The following ENTREP2 variants were observed in gnomAD, a reference collection of about 807,000 sequenced individuals.
The protein encoded by ENTREP2 is endosomal transmembrane epsin interactor 2.
At chr15:29,266,058 T>C in the ENTREP2 span, 1 of 152,134 alleles carries the variant, frequency 6.6e-6, no homozygotes, top group Non-Finnish European at 1.5e-5. Context: ...GGAGAAGGTA[T>C]TTGCACTAGA....
chr15:29,119,028 AAGG>A, the ENTREP2 span, among the ~76,000 whole-genome samples: 2 of 152,136 alleles, frequency 1.3e-5, no homozygotes, highest in Non-Finnish European at 2.9e-5. Flanking sequence ...ACTGCAGAGT[AAGG>A]AGAAGACTTA....
chr15:29,448,674 CAAT>C, the ENTREP2 span, among the ~76,000 whole-genome samples: 1 of 152,128 alleles, frequency 6.6e-6, no homozygotes, highest in East Asian at 1.9e-4. Context: ...TTTTTCAAAT[CAAT>C]AATAATACAG....
the ENTREP2 span, among the ~76,000 whole-genome samples, chr15:29,157,460 T>C: frequency 7.9e-5 from 12 of 152,192 alleles, no homozygotes; most frequent in Admixed American, 6.5e-5. Flanking sequence ...TTCCTCTAAG[T>C]GACATGAATT....
At chr15:29,173,076 C>T in the ENTREP2 span, among the ~76,000 whole-genome samples, 2 of 152,300 alleles carry the variant, frequency 1.3e-5, no homozygotes, top group Admixed American at 6.5e-5. Context: ...AAGTACACAT[C>T]GTGCTACCAT....
At chr15:29,648,006 G>A in the ENTREP2 span, among the ~76,000 whole-genome samples, 18 of 152,236 alleles carry the variant, frequency 1.2e-4, no homozygotes, top group South Asian at 4.2e-4. Flanking sequence ...ACAAAAACAC[G>A]CAACCAGAAA....
the ENTREP2 span, among the ~76,000 whole-genome samples, chr15:29,286,830 G>C: frequency 2.0e-5 from 3 of 152,174 alleles, no homozygotes; most frequent in Non-Finnish European, 4.4e-5. Flanking sequence ...CCTGTTCCTT[G>C]TCTTGCCCTT....
At chr15:29,465,143 C>G in the ENTREP2 span, among the ~76,000 whole-genome samples, 2 of 151,974 alleles carry the variant, frequency 1.3e-5, no homozygotes, top group African/African-American at 2.4e-5. Context: ...ATAACCCCCA[C>G]TCAGCACTGG....
At chr15:29,623,721 A>G in the ENTREP2 span, among the ~76,000 whole-genome samples, 19 of 152,198 alleles carry the variant, frequency 1.2e-4, no homozygotes, top group African/African-American at 4.1e-4. Context: ...ATAATAGGAG[A>G]AAAAAAGTCA....
the ENTREP2 span, among the ~76,000 whole-genome samples, chr15:29,491,144 C>T: frequency 1.3e-5 from 2 of 152,194 alleles, no homozygotes; most frequent in South Asian, 4.1e-4. Context: ...CTGCCCAGGG[C>T]CAGTGGCACC....
chr15:29,329,696 A>C, the ENTREP2 span, among the ~76,000 whole-genome samples: 5 of 152,240 alleles, frequency 3.3e-5, no homozygotes, highest in East Asian at 7.7e-4. Flanking sequence ...GTGGTGCCAG[A>C]AAGTAAGAAC....
the ENTREP2 span, among the ~76,000 whole-genome samples, chr15:29,649,274 T>G: frequency 6.6e-6 from 1 of 152,036 alleles, no homozygotes; most frequent in Non-Finnish European, 1.5e-5. Context: ...ATAAAGAAGG[T>G]GATGGGAGTG....
At chr15:29,174,459 C>T in the ENTREP2 span, among the ~76,000 whole-genome samples, 4 of 152,118 alleles carry the variant, frequency 2.6e-5, no homozygotes, top group African/African-American at 9.7e-5. Context: ...GAGGCCGAGG[C>T]GGGCAGATCA....
chr15:29,521,217 G>GA, the ENTREP2 span, among the ~76,000 whole-genome samples: 2 of 152,276 alleles, frequency 1.3e-5, no homozygotes, highest in South Asian at 2.1e-4. Flanking sequence ...TGCCGAGGTG[G>GA]AAAAATCCTG....
the ENTREP2 span, among the ~76,000 whole-genome samples, chr15:29,342,207 A>G: frequency 6.6e-6 from 1 of 152,176 alleles, no homozygotes; most frequent in African/African-American, 2.4e-5. Context: ...GACGGACTGC[A>G]GGTAACTTTT....
chr15:29,481,375 T>A, the ENTREP2 span, among the ~76,000 whole-genome samples: 1 of 152,128 alleles, frequency 6.6e-6, no homozygotes, highest in Non-Finnish European at 1.5e-5. Context: ...TGGGCCACAC[T>A]CAGAGTAGTA....
chr15:29,269,735 C>G, the ENTREP2 span: 1 of 1,461,548 alleles, frequency 6.8e-7, no homozygotes, highest in Admixed American at 3.0e-5. Context: ...GGCGCACACT[C>G]CGGTAGGCAA....
chr15:29,585,266 T>C, the ENTREP2 span, among the ~76,000 whole-genome samples: 8 of 152,218 alleles, frequency 5.3e-5, no homozygotes, highest in Non-Finnish European at 1.0e-4. Flanking sequence ...ACATCATTCC[T>C]AATTTTTCAG....
At chr15:29,159,218 G>A in the ENTREP2 span, among the ~76,000 whole-genome samples, 2 of 151,990 alleles carry the variant, frequency 1.3e-5, no homozygotes, top group South Asian at 2.1e-4. Flanking sequence ...GCCTAGGAGT[G>A]AAACCACAGA....
the ENTREP2 span, among the ~76,000 whole-genome samples, chr15:29,347,183 T>C: frequency 6.6e-6 from 1 of 152,190 alleles, no homozygotes; most frequent in African/African-American, 2.4e-5. Context: ...CCTTTCTTTC[T>C]TTCTTTTTTG....
Sources: allele counts gnomAD v4.1 joint callset (sites outside exome capture counted in the v4.1 genomes callset), GRCh38; gene constraint gnomAD v4.1.1; transcripts MANE v1.5; gene names NCBI Gene and HGNC (gene_info 2026-07-23, HGNC 2026-07-21).